Variants in PLEKHA7 observed in about 807,000 individuals in gnomAD.
PLEKHA7 encodes pleckstrin homology domain containing A7.
A neutral mutation model predicts 170.0 loss-of-function variants in PLEKHA7; 104 were observed. The ratio of observed to expected loss-of-function variants is 0.61; its 90% CI spans 0.52 to 0.72. PLEKHA7 has a LOEUF of 0.72. Ranked by LOEUF, PLEKHA7 falls within the 30% of genes least tolerant of loss-of-function variation. PLEKHA7 has a pLI of 0.00. For missense variants in PLEKHA7, 1,615 were observed against 1,671.7 expected, an observed-to-expected ratio of 0.97 and a Z score of 0.59; for synonymous variants, 648 against 660.8, an observed-to-expected ratio of 0.98 and a Z score of 0.30.
At chr11:16,795,713 TGGG>T (rs1254046600) in intron 17 of PLEKHA7, among the ~76,000 whole-genome samples, 1 of 151,266 alleles carries the variant, frequency 6.6e-6, no homozygotes, top group Non-Finnish European at 1.5e-5. Context: ...CGCTTGAACC[TGGG>T]AGGCAGAGGT....
At chr11:16,799,409 G>A (rs957106917) in intron 17 of PLEKHA7, among the ~76,000 whole-genome samples, 1 of 152,190 alleles carries the variant, frequency 6.6e-6, no homozygotes, top group Non-Finnish European at 1.5e-5. Context: ...GGTGATGGGA[G>A]GGGCAGAAAG....
intron 9 of PLEKHA7, among the ~76,000 whole-genome samples, chr11:16,834,012 GTT>G (rs1244266750): frequency 2.1e-5 from 3 of 142,728 alleles, no homozygotes; most frequent in African/African-American, 7.5e-5. Context: ...TTGTTTGTTT[GTT>G]TTGTTTTGTT....
At chr11:16,780,146 G>T (rs185569875) in intron 26 of PLEKHA7, among the ~76,000 whole-genome samples, 1 of 152,330 alleles carries the variant, frequency 6.6e-6, no homozygotes, top group East Asian at 1.9e-4. Flanking sequence ...TCAGGGTAAG[G>T]ACTGCCCAGA....
chr11:16,801,516 T>A (rs1848595629), intron 16 of PLEKHA7, 152 bp downstream of exon 16: 1 of 953,446 alleles, frequency 1.0e-6, no homozygotes, highest in Non-Finnish European at 1.6e-6. Context: ...CAAGGTTATC[T>A]ACTGTCAGGT....
chr11:16,914,970 A>C (rs769762764), intron 3 of PLEKHA7, among the ~76,000 whole-genome samples: 8 of 152,070 alleles, frequency 5.3e-5, no homozygotes, highest in Non-Finnish European at 7.4e-5. Flanking sequence ...TCTCTCCTAG[A>C]CTTATACCCC....
rs949059656 is a variant in PLEKHA7, at chr11:16,789,810, C to T, written c.3121G>A (p.Gly1041Ser). 1.3e-5 allele frequency: 21 copies of T among 1,613,974 alleles called. No individual in the cohort carries two copies. Among genetic ancestry groups the T allele is most frequent in the Admixed American group, 1.7e-5 (1 of 59,986 alleles). Reference protein sequence around the residue: ...TIAPYVTLRRGLNAESSKATF... With the variant: ...TIAPYVTLRRSLNAESSKATF... Reference sequence around the variant, plus strand: ...GCCTTGCTGCTTTCGGCATTGAGACCCCTCCGGAGTGTGACGTAGGGAGCA... The same window carrying T: ...GCCTTGCTGCTTTCGGCATTGAGACTCCTCCGGAGTGTGACGTAGGGAGCA... The change falls in exon 22 of 27, where the codon GGT (glycine) becomes AGT (serine). Residue 1041 changes from glycine (G) to serine (S), a missense_variant. Transcript: ENST00000531066. The surrounding 1 kb of genome is among the most constrained non-coding windows in gnomAD (Gnocchi z 4.6).
Position 16,791,257 on chromosome 11 carries a change from C to G in PLEKHA7, c.2746-58G>C, listed in dbSNP as rs1457013955. On this transcript the variant is annotated intron_variant, in intron 19 of 26. Transcript: ENST00000531066. This position sits in a 1 kb window ranked among gnomAD's most constrained non-coding sequence, Gnocchi z 4.5. The stretch of plus-strand genomic sequence containing the variant: ...CGAGACGGAGCTGGAGGGAGGACTG[C>G]TAGGTACTGCCACAGTGGAGGTTTA... The G allele has an allele frequency of 6.8e-7, 1 of 1,467,660 alleles. No homozygotes were observed. Among genetic ancestry groups the G allele is most frequent in the Non-Finnish European group, 9.2e-7 (1 of 1,088,204 alleles). The allele number at this position is 1,467,660 out of a possible 1,614,324, so 90.9% of individuals were successfully genotyped here. A position where few individuals can be genotyped will look rare whatever the true frequency, so the allele number is the denominator to read the frequency against.
intron 3 of PLEKHA7, among the ~76,000 whole-genome samples, chr11:16,944,778 A>G (rs993274836): frequency 6.6e-6 from 1 of 152,124 alleles, no homozygotes; most frequent in Non-Finnish European, 1.5e-5. Flanking sequence ...CCTGGAGAAA[A>G]TTTCTTCTCT....
chr11:16,886,500 C>T (rs1031360976), intron 3 of PLEKHA7, among the ~76,000 whole-genome samples: 3 of 152,206 alleles, frequency 2.0e-5, no homozygotes, highest in African/African-American at 7.2e-5. Context: ...CACCTGAGGT[C>T]AGGAGTTCAA....
At chr11:16,921,748 T>C (rs1293022107) in intron 3 of PLEKHA7, among the ~76,000 whole-genome samples, 1 of 152,264 alleles carries the variant, frequency 6.6e-6, no homozygotes, top group Admixed American at 6.5e-5. Flanking sequence ...CTGTCTGGTA[T>C]CTAGTTAGCT....
chr11:16,902,331 T>C (rs1857394315), intron 3 of PLEKHA7, among the ~76,000 whole-genome samples: 1 of 152,224 alleles, frequency 6.6e-6, no homozygotes, highest in Non-Finnish European at 1.5e-5. Context: ...TAGGTGGACA[T>C]GGTTTCACTT....
In PLEKHA7 at chr11:16,789,726, T is replaced by A; in HGVS notation, c.3156+49A>T. 1 of 1,523,398 alleles carries A rather than the reference T, an allele frequency of 6.6e-7. No individual in the cohort carries two copies. Among genetic ancestry groups the A allele is most frequent in the East Asian group, 2.3e-5 (1 of 44,146 alleles). 94.4% of individuals were successfully genotyped at this position (1,523,398 alleles called of 1,614,324 possible). On this transcript the variant is annotated intron_variant, in intron 22 of 26. Transcript: ENST00000531066. This position sits in a 1 kb window ranked among gnomAD's most constrained non-coding sequence, Gnocchi z 4.6. ...TACTGTCCCCCTGGGAGACCCTCCC[T>A]CCCCATGTGAAGGAGCAGGGAGGTC...
intron 3 of PLEKHA7, among the ~76,000 whole-genome samples, chr11:16,871,876 G>A (rs1318348645): frequency 2.6e-5 from 4 of 151,834 alleles, no homozygotes; most frequent in Admixed American, 2.6e-4. Context: ...TCTAGAGACT[G>A]TTGGTTTGCT....
intron 3 of PLEKHA7, among the ~76,000 whole-genome samples, chr11:16,999,881 A>G (rs1461899445): frequency 6.6e-6 from 1 of 152,002 alleles, no homozygotes; most frequent in Non-Finnish European, 1.5e-5. Flanking sequence ...TCCCAGCCCC[A>G]CCCCACAGAA....
intron 3 of PLEKHA7, among the ~76,000 whole-genome samples, chr11:16,893,170 AG>A (rs201347192): frequency 0.013 from 1,951 of 152,340 alleles, 37 homozygotes; most frequent in African/African-American, 0.042. Context: ...ATCTTAACTC[AG>A]GGAACTCAGG....
At chr11:16,844,256 T>C (rs1852207032) in intron 8 of PLEKHA7, among the ~76,000 whole-genome samples, 1 of 152,188 alleles carries the variant, frequency 6.6e-6, no homozygotes, top group Non-Finnish European at 1.5e-5. Context: ...GCATGTCTAT[T>C]TGCGAATGAG....
At chr11:16,784,252 C>G (rs1849253079) in intron 24 of PLEKHA7, among the ~76,000 whole-genome samples, 1 of 152,200 alleles carries the variant, frequency 6.6e-6, no homozygotes, top group Admixed American at 6.5e-5. Context: ...CTTTTGTTCC[C>G]TTGACTCTCA....
intron 17 of PLEKHA7, 110 bp from the exon 18 acceptor site, chr11:16,795,128 C>T (rs1848131402): frequency 3.9e-6 from 3 of 768,652 alleles, no homozygotes; most frequent in Non-Finnish European, 6.8e-6. Flanking sequence ...GCAGCATCCC[C>T]TCTGGAAACC....
chr11:16,834,844 G>A (rs1366850094), intron 9 of PLEKHA7, among the ~76,000 whole-genome samples: 2 of 152,144 alleles, frequency 1.3e-5, no homozygotes, highest in African/African-American at 4.8e-5. Flanking sequence ...ACTTGGGGGG[G>A]CGGGGGCAGA....
Sources: gnomAD v4.1 joint callset for allele counts (sites outside exome capture counted in the v4.1 genomes callset) on GRCh38, gnomAD v4.1.1 for gene constraint, Gnocchi (gnomAD v3.1) non-coding constraint, MANE v1.5 for transcripts, NCBI Gene and HGNC (gene_info 2026-07-23, HGNC 2026-07-21) for gene names.